Variants in CCDC178 observed in about 807,000 individuals in gnomAD.
CCDC178 encodes the protein coiled-coil domain containing 178, also known as coiled-coil domain-containing protein 178.
CCDC178 carries 126 observed loss-of-function variants against 117.4 expected under a neutral mutation model. The observed-to-expected ratio is 1.07, with a 90% confidence interval of 0.93 to 1.24. The LOEUF (loss-of-function observed/expected upper bound fraction) is 1.24, where lower values mean the gene tolerates loss of function less well. Ranked by LOEUF, CCDC178 falls within the 50% of genes most tolerant of loss-of-function variation. The pLI is 0.00. For missense variants in CCDC178, 1,030 were observed against 986.9 expected (o/e 1.04, Z -0.59); for synonymous variants, 283 against 313.4 (o/e 0.90, Z 1.02).
intron 12 of CCDC178, among the ~76,000 whole-genome samples, chr18:33,289,561 C>T (rs1055398085): frequency 3.9e-5 from 6 of 151,938 alleles, no homozygotes; most frequent in South Asian, 2.1e-4. Flanking sequence ...TTGCAGTGAG[C>T]CAAGATCGCA....
chr18:33,335,574 C>T (rs1289999016), intron 9 of CCDC178, among the ~76,000 whole-genome samples: 1 of 151,808 alleles, frequency 6.6e-6, no homozygotes, highest in African/African-American at 2.4e-5. Context: ...TGATGCATTC[C>T]ATGCAATTTC....
At chr18:33,089,975 A>G (rs1322288030) in intron 21 of CCDC178, among the ~76,000 whole-genome samples, 3 of 152,194 alleles carry the variant, frequency 2.0e-5, no homozygotes, top group Non-Finnish European at 2.9e-5. Flanking sequence ...AACAGGGCAA[A>G]TAAGAATTTT....
At chr18:33,007,863 G>C (rs1272428142) in intron 21 of CCDC178, among the ~76,000 whole-genome samples, 1 of 152,052 alleles carries the variant, frequency 6.6e-6, no homozygotes. Flanking sequence ...CCTAATGTAT[G>C]AAAATGGAAA....
At chr18:33,384,238 T>C (rs2063469989) in intron 5 of CCDC178, among the ~76,000 whole-genome samples, 1 of 152,042 alleles carries the variant, frequency 6.6e-6, no homozygotes, top group African/African-American at 2.4e-5. Flanking sequence ...CTATGACTGA[T>C]TAGAGTACCC....
intron 21 of CCDC178, among the ~76,000 whole-genome samples, chr18:33,057,139 T>G (rs888318554): frequency 6.6e-6 from 1 of 152,186 alleles, no homozygotes; most frequent in Non-Finnish European, 1.5e-5. Context: ...GAACATTAAA[T>G]GACTGACCTG....
At chr18:32,988,061 G>A (rs1344799579) in intron 21 of CCDC178, among the ~76,000 whole-genome samples, 2 of 144,584 alleles carry the variant, frequency 1.4e-5, no homozygotes, top group Non-Finnish European at 3.0e-5. Flanking sequence ...TGGGCAACAA[G>A]AGTGAAAATC....
chr18:32,983,964 G>A (rs1292898695), intron 21 of CCDC178, among the ~76,000 whole-genome samples: 1 of 151,914 alleles, frequency 6.6e-6, no homozygotes, highest in Non-Finnish European at 1.5e-5. Context: ...AGTTAATACT[G>A]AGCTATTTAT....
At chr18:33,294,074 C>T (rs959924155) in intron 11 of CCDC178, among the ~76,000 whole-genome samples, 4 of 152,138 alleles carry the variant, frequency 2.6e-5, no homozygotes, top group Non-Finnish European at 5.9e-5. Context: ...CTTAGGAAAA[C>T]ACAGGGCTTT....
chr18:33,223,325 T>C, intron 17 of CCDC178, 106 bp from the exon 18 acceptor site: 1 of 1,250,140 alleles, frequency 8.0e-7, no homozygotes, highest in African/African-American at 1.5e-5. Flanking sequence ...AGCATTTATT[T>C]TGGCAAATAA....
At chr18:33,238,093 C>T (rs1467100023) in intron 15 of CCDC178, among the ~76,000 whole-genome samples, 3 of 152,170 alleles carry the variant, frequency 2.0e-5, no homozygotes, top group Non-Finnish European at 4.4e-5. Flanking sequence ...CTGTATCCAC[C>T]TGGGACTAAA....
intron 21 of CCDC178, among the ~76,000 whole-genome samples, chr18:32,980,545 T>C (rs1470648108): frequency 8.8e-6 from 1 of 113,076 alleles, no homozygotes; most frequent in South Asian, 3.0e-4. Context: ...CACTCCCGCC[T>C]GGGCGACAGA....
chr18:32,981,503 ACT>A (rs780246575), intron 21 of CCDC178, among the ~76,000 whole-genome samples: 1 of 152,304 alleles, frequency 6.6e-6, no homozygotes. Flanking sequence ...TTTATATATA[ACT>A]CTGTAAATTA....
chr18:32,944,556 G>C (rs562628093), intron 22 of CCDC178, among the ~76,000 whole-genome samples: 1 of 152,134 alleles, frequency 6.6e-6, no homozygotes. Context: ...CATCCTATTT[G>C]GAAGGTTTAT....
At chr18:33,135,476 T>C (rs1416125663) in intron 20 of CCDC178, among the ~76,000 whole-genome samples, 1 of 152,086 alleles carries the variant, frequency 6.6e-6, no homozygotes, top group Non-Finnish European at 1.5e-5. Context: ...AAAGAAGCTA[T>C]CCCAGATTTT....
chr18:33,301,811 C>T (rs1436031434), intron 11 of CCDC178, among the ~76,000 whole-genome samples: 1 of 152,144 alleles, frequency 6.6e-6, no homozygotes, highest in Non-Finnish European at 1.5e-5. Context: ...ATTTTATAGG[C>T]TCAAAGTTGG....
chr18:33,052,079 C>G (rs2144930075), intron 21 of CCDC178, among the ~76,000 whole-genome samples: 1 of 152,228 alleles, frequency 6.6e-6, no homozygotes, highest in East Asian at 1.9e-4. Context: ...AGTCAATGAC[C>G]AGGAACAGAA....
chr18:33,223,013 A>T, intron 18 of CCDC178, 93 bp downstream of exon 18: 1 of 874,502 alleles, frequency 1.1e-6, no homozygotes, highest in Non-Finnish European at 1.7e-6. Flanking sequence ...AAGAAATGAG[A>T]CACATTCATT....
intron 21 of CCDC178, among the ~76,000 whole-genome samples, chr18:32,994,104 ACT>A (rs1173510614): frequency 2.6e-5 from 4 of 151,900 alleles, no homozygotes. Context: ...AGCCTGCCTC[ACT>A]CTGACCCAGG....
At chr18:33,127,425 G>C (rs1025252146) in intron 20 of CCDC178, among the ~76,000 whole-genome samples, 3 of 151,914 alleles carry the variant, frequency 2.0e-5, no homozygotes, top group Admixed American at 2.0e-4. Context: ...TATTTTAACT[G>C]ATCAGTTTTT....
Sources: allele counts gnomAD v4.1 joint callset (sites outside exome capture counted in the v4.1 genomes callset), GRCh38; gene constraint gnomAD v4.1.1; transcripts MANE v1.5; gene names NCBI Gene and HGNC (gene_info 2026-07-23, HGNC 2026-07-21).